Variants in HHLA2 observed in about 807,000 individuals in gnomAD.
HHLA2 encodes HERV-H LTR-associating protein 2.
HHLA2 carries 48 observed loss-of-function variants against 45.9 expected under a neutral mutation model. That is an observed-to-expected ratio of 1.05 (90% CI 0.83 to 1.33). HHLA2 has a LOEUF of 1.33. HHLA2 is among the 40% of genes most tolerant of loss of function. The pLI, the probability that HHLA2 is intolerant of heterozygous loss-of-function variation, is 0.00. For missense variants in HHLA2, 462 were observed against 494.3 expected (o/e 0.93, Z 0.62); for synonymous variants, 161 against 173.9 (o/e 0.93, Z 0.59).
intron 8 of HHLA2, among the ~76,000 whole-genome samples, chr3:108,368,217 A>G (rs1427763089): frequency 1.3e-5 from 2 of 152,072 alleles, no homozygotes; most frequent in East Asian, 1.9e-4. Context: ...AGCACTAAAT[A>G]CAGAAAGGAA....
intron 3 of HHLA2, among the ~76,000 whole-genome samples, chr3:108,332,833 C>T (rs1295599849): frequency 2.0e-5 from 3 of 152,088 alleles, no homozygotes; most frequent in Non-Finnish European, 4.4e-5. Context: ...TTTATGTAGC[C>T]CTTCCTTAGG....
chr3:108,338,657 T>C (rs557661568), intron 3 of HHLA2, among the ~76,000 whole-genome samples: 1 of 152,320 alleles, frequency 6.6e-6, no homozygotes, highest in East Asian at 1.9e-4. Context: ...CCTTGTTTAA[T>C]TTGCAGTAAG....
rs532767853 is a variant in HHLA2, at chr3:108,364,977, C to T, written c.1108+2531C>T. The stretch of plus-strand genomic sequence containing the variant: ...CTCACTCTGATGATAGTTTCTATGG[C>T]TGAGCAGATGCTCTTTAGTTTAAGT... On this transcript the variant is annotated intron_variant, in intron 8 of 10. Transcript: ENST00000619531. 2.6e-5 allele frequency among the ~76,000 whole-genome samples: 4 copies of T among 152,302 alleles called. No homozygotes were observed. In the East Asian group the frequency reaches 7.7e-4, roughly 29 times the overall value.
chr3:108,339,559 G>A (rs2081530261), intron 3 of HHLA2, among the ~76,000 whole-genome samples: 2 of 150,400 alleles, frequency 1.3e-5, no homozygotes, highest in South Asian at 2.1e-4. Context: ...TTAGTATATA[G>A]CACATATATA....
intron 3 of HHLA2, among the ~76,000 whole-genome samples, chr3:108,336,513 T>C (rs2081474579): frequency 6.6e-6 from 1 of 152,198 alleles, no homozygotes; most frequent in Non-Finnish European, 1.5e-5. Context: ...TATACTGTGA[T>C]TCTTCTAAAT....
chr3:108,375,406 C>T (rs1021849887), intron 8 of HHLA2, among the ~76,000 whole-genome samples: 2 of 151,682 alleles, frequency 1.3e-5, no homozygotes, highest in East Asian at 3.9e-4. Context: ...TGCAGCACAC[C>T]AACATGGCAC....
intron 2 of HHLA2, among the ~76,000 whole-genome samples, chr3:108,327,224 C>G (rs1016702634): frequency 2.6e-5 from 4 of 152,100 alleles, no homozygotes; most frequent in African/African-American, 9.7e-5. Context: ...CTTTTGAAGG[C>G]AACCTGCCTT....
intron 5 of HHLA2, among the ~76,000 whole-genome samples, 177 bp downstream of exon 4, chr3:108,353,957 C>A (rs943011270): frequency 1.3e-5 from 2 of 152,136 alleles, no homozygotes; most frequent in Non-Finnish European, 1.5e-5. Context: ...AACTGTTCCC[C>A]TGTTGGTGGG....
intron 2 of HHLA2, among the ~76,000 whole-genome samples, chr3:108,312,047 G>A (rs775450649): frequency 6.6e-5 from 10 of 152,182 alleles, no homozygotes; most frequent in Non-Finnish European, 1.3e-4. Flanking sequence ...CGGGAGGGCT[G>A]GAGGAGAGGG....
At chr3:108,318,396 T>C (rs2081140351) in intron 2 of HHLA2, among the ~76,000 whole-genome samples, 1 of 152,158 alleles carries the variant, frequency 6.6e-6, no homozygotes, top group South Asian at 2.1e-4. Context: ...CTCCTAAATA[T>C]GTCTACCAGG....
intron 8 of HHLA2, among the ~76,000 whole-genome samples, chr3:108,370,851 T>TTGGTGTACCTGAAAG (rs1375737087): frequency 6.6e-6 from 1 of 152,190 alleles, no homozygotes; most frequent in Non-Finnish European, 1.5e-5. Context: ...CTACGTCTGA[T>TTGGTGTACCTGAAAG]TGGTGTACCT....
chr3:108,377,962 A>AAAAT (rs1245919417), exon 11 of HHLA2: 2 of 152,216 alleles, frequency 1.3e-5, no homozygotes, highest in African/African-American at 4.8e-5. Flanking sequence ...AAAAGAAGTA[A>AAAAT]AAATAGCCTT....
intron 2 of HHLA2, among the ~76,000 whole-genome samples, chr3:108,312,156 C>A (rs2081030399): frequency 6.6e-6 from 1 of 152,160 alleles, no homozygotes; most frequent in African/African-American, 2.4e-5. Flanking sequence ...GGCTCTAATC[C>A]CCCCAGACGG....
chr3:108,369,231 G>C (rs13079759), intron 8 of HHLA2, among the ~76,000 whole-genome samples: 25,004 of 152,140 alleles, frequency 0.16, 2,679 homozygotes, highest in Non-Finnish European at 0.24. Flanking sequence ...GCAGTGTTGA[G>C]AGGGAAATTT....
intron 3 of HHLA2, among the ~76,000 whole-genome samples, chr3:108,329,535 G>T (rs1219724901): frequency 6.6e-6 from 1 of 152,138 alleles, no homozygotes; most frequent in African/African-American, 2.4e-5. Context: ...TTTTCAGCGG[G>T]TCTAAATATA....
At chr3:108,363,684 T>A (rs773833701) in intron 8 of HHLA2, among the ~76,000 whole-genome samples, 6 of 152,178 alleles carry the variant, frequency 3.9e-5, no homozygotes, top group Non-Finnish European at 7.3e-5. Context: ...CCTAATATAC[T>A]GATATTTGTG....
intron 1 of HHLA2, among the ~76,000 whole-genome samples, chr3:108,308,709 C>G (rs533636362): frequency 6.6e-6 from 1 of 152,144 alleles, no homozygotes; most frequent in Admixed American, 6.6e-5. Flanking sequence ...GCCATTTTAA[C>G]GGGGGTGAGA....
intron 8 of HHLA2, among the ~76,000 whole-genome samples, chr3:108,370,337 C>CA (rs1450234182): frequency 6.6e-6 from 1 of 152,162 alleles, no homozygotes; most frequent in African/African-American, 2.4e-5. Context: ...ACGTCACCAT[C>CA]ATCAAAGACC....
rs1437781551 is a variant in HHLA2 at position 108,342,300 on chromosome 3, G to A, written c.-26-9488G>A. Among the ~76,000 whole-genome samples the A allele has an allele frequency of 2.9e-5, 3 of 102,760 alleles. No individual in the cohort carries two copies. In the East Asian group the frequency reaches 8.3e-4, roughly 28 times the overall value. The allele number at this position is 102,760 out of a possible 152,430, so 67.4% of individuals were successfully genotyped here. ...TTTTTTGAGATGGAGTTTTACTCTC[G>A]TCACCCAGGCTGGAGTGCAACGGCG... On this transcript the variant is annotated intron_variant, in intron 3 of 10. Transcript: ENST00000619531.
Sources: allele counts gnomAD v4.1 joint callset (sites outside exome capture counted in the v4.1 genomes callset), GRCh38; gene constraint gnomAD v4.1.1; transcripts MANE v1.5; gene names NCBI Gene and HGNC (gene_info 2026-07-23, HGNC 2026-07-21).